BNIP3L: variants seen among roughly 807,000 people sequenced by gnomAD.
BNIP3L encodes the protein BCL2/adenovirus E1B 19 kDa protein-interacting protein 3-like.
In BNIP3L, 10 loss-of-function variants were observed where a neutral mutation model predicts 25.5. That is an observed-to-expected ratio of 0.39 (90% CI 0.24 to 0.67). BNIP3L has a LOEUF of 0.67. BNIP3L is among the 30% of genes least tolerant of loss of function. The probability of loss-of-function intolerance (pLI) is 0.45; values close to 1 mark genes in which losing one functional copy is unlikely to be tolerated. For missense variants in BNIP3L, 215 were observed against 270.9 expected, an observed-to-expected ratio of 0.79 and a Z score of 1.45; for synonymous variants, 113 against 101.2, an observed-to-expected ratio of 1.12 and a Z score of -0.70.
chr8:26,408,874 A>G (rs57917956), intron 5 of BNIP3L, among the ~76,000 whole-genome samples: 26,964 of 65,108 alleles, frequency 0.41, 2,848 homozygotes, highest in East Asian at 0.56. Flanking sequence ...TCCATCTCGG[A>G]AAAAAAAAAA....
At chr8:26,401,821 A>G (rs1806389900) in intron 3 of BNIP3L, among the ~76,000 whole-genome samples, 1 of 152,174 alleles carries the variant, frequency 6.6e-6, no homozygotes, top group Non-Finnish European at 1.5e-5. Context: ...AAATCTTACA[A>G]ATGTTTGTGT....
At chr8:26,395,158 A>C in intron 2 of BNIP3L, 72 bp from the exon 3 acceptor site, 2 of 1,500,932 alleles carry the variant, frequency 1.3e-6, no homozygotes, top group Non-Finnish European at 1.8e-6. Flanking sequence ...TTAATTTTCT[A>C]ATTTCTAGTA....
chr8:26,406,161 A>G (rs1473048867), intron 3 of BNIP3L, among the ~76,000 whole-genome samples: 1 of 152,218 alleles, frequency 6.6e-6, no homozygotes, highest in Non-Finnish European at 1.5e-5. Context: ...TTGGCCTGAA[A>G]CTTTAGGTTA....
chr8:26,408,437 G>A, intron 5 of BNIP3L, 61 bp downstream of exon 5: 3 of 1,525,962 alleles, frequency 2.0e-6, no homozygotes, highest in Non-Finnish European at 2.7e-6. Context: ...TTTTCAGATT[G>A]AAGAAATGTA....
intron 5 of BNIP3L, among the ~76,000 whole-genome samples, chr8:26,409,964 A>G (rs902208957): frequency 6.6e-6 from 1 of 152,010 alleles, no homozygotes. Flanking sequence ...TGTCCTACAT[A>G]GAGCACCAGA....
chr8:26,407,063 G>GCTCCACCTCCCAGGCTCAAGCAAC (rs1362652745), intron 3 of BNIP3L, among the ~76,000 whole-genome samples: 1 of 151,054 alleles, frequency 6.6e-6, no homozygotes, highest in Admixed American at 6.6e-5. Context: ...CTGGATCTCG[G>GCTCCACCTCCCAGGCTCAAGCAAC]CTCCACCTCC....
chr8:26,411,219 G>C lies in BNIP3L; in HGVS notation c.*807G>C, dbSNP rs374818509. The stretch of plus-strand genomic sequence containing the variant: ...TGAAATTGCTTTTTGAGATTTTTGC[G>C]TGTGTGTTTGATATTTTTTACGATA... On this transcript the variant is annotated 3_prime_UTR_variant, in exon 6 of 6. Transcript: ENST00000380629. 1 of 152,470 alleles carries C rather than the reference G, an allele frequency of 6.6e-6. No individual in the cohort carries two copies. Among genetic ancestry groups the C allele is most frequent in the Admixed American group, 6.5e-5 (1 of 15,272 alleles). The allele number at this position is 152,470 out of a possible 1,614,324, so 9.4% of individuals were successfully genotyped here.
At chr8:26,391,214 GT>G (rs1806102287) in intron 1 of BNIP3L, 28 bp from the exon 2 acceptor site, 9 of 1,549,704 alleles carry the variant, frequency 5.8e-6, no homozygotes, top group Non-Finnish European at 7.9e-6. Context: ...CAGTTCTGCT[GT>G]GGTTAACTTA....
chr8:26,395,397 A>G, intron 3 of BNIP3L, 95 bp downstream of exon 3: 7 of 1,298,160 alleles, frequency 5.4e-6, no homozygotes, highest in Non-Finnish European at 7.6e-6. Flanking sequence ...GACTTTTAGG[A>G]ATAGTTTGAA....
In BNIP3L at chr8:26,391,382, T is replaced by C. The variant is rs758158833; in HGVS notation, c.240T>C (p.His80=). Residue 80 remains histidine, a synonymous_variant, in exon 2 of 6, where the codon CAT becomes CAC. Coordinates refer to ENST00000380629, the MANE Select transcript of BNIP3L (RefSeq NM_004331.3). ...AGAAGATTCTTTTGGATGCACAACATGAATCAGGACAGAGTAGTTCCAGAG... is the reference window on the plus strand; with the variant it reads ...AGAAGATTCTTTTGGATGCACAACACGAATCAGGACAGAGTAGTTCCAGAG... ...DMEKILLDAQ[H]ESGQSSSRGS... is the part of the protein sequence containing the mutation. 1.9e-5 allele frequency: 31 copies of C among 1,608,406 alleles called. No individual in the cohort carries two copies. The highest frequency in any genetic ancestry group is 1.2e-4 in the Admixed American group (7 of 59,056).
intron 3 of BNIP3L, among the ~76,000 whole-genome samples, chr8:26,400,174 G>T (rs1280185856): frequency 6.6e-6 from 1 of 151,600 alleles, no homozygotes; most frequent in Non-Finnish European, 1.5e-5. Context: ...ATACCACAAG[G>T]CTACAGTAAC....
chr8:26,405,816 G>A (rs1160430680), intron 3 of BNIP3L, among the ~76,000 whole-genome samples: 2 of 152,200 alleles, frequency 1.3e-5, no homozygotes, highest in African/African-American at 4.8e-5. Context: ...GCTGAGGCGT[G>A]TAGATCACTT....
Position 26,391,346 on chromosome 8 carries a change from T to A in BNIP3L, c.204T>A (p.Asn68Lys), listed in dbSNP as rs754203942. Residue 68 changes from asparagine (N) to lysine (K), a missense_variant, in exon 2 of 6, where the codon AAT (asparagine) becomes AAA (lysine). Physicochemically the swap from Asn to Lys is moderately conservative, Grantham distance 94. Around this residue, in one of 4 missense-constraint regions of BNIP3L, gnomAD observed 36 missense variants for 75.2 expected, o/e 0.48. Coordinates refer to ENST00000380629, the MANE Select transcript of BNIP3L (RefSeq NM_004331.3). ...TACCATCCTCATCCTCCATCCACAATGGAGACATGGAGAAGATTCTTTTGG... is the reference window on the plus strand; with the variant it reads ...TACCATCCTCATCCTCCATCCACAAAGGAGACATGGAGAAGATTCTTTTGG... Reference protein sequence around the residue: ...EHVPSSSSIHNGDMEKILLDA... With the variant: ...EHVPSSSSIHKGDMEKILLDA... 4 of 1,611,106 alleles carry A rather than the reference T, an allele frequency of 2.5e-6. No homozygotes were observed. The highest frequency in any genetic ancestry group is 3.4e-6 in the Non-Finnish European group (4 of 1,178,816).
At chr8:26,386,026 C>T (rs1050264353) in intron 1 of BNIP3L, among the ~76,000 whole-genome samples, 29 of 152,130 alleles carry the variant, frequency 1.9e-4, no homozygotes, top group African/African-American at 4.8e-4. Context: ...AGTCGAAGGA[C>T]TTTGTTGGGT....
chr8:26,389,765 G>A (rs1390145868), intron 1 of BNIP3L, among the ~76,000 whole-genome samples: 1 of 152,234 alleles, frequency 6.6e-6, no homozygotes, highest in Non-Finnish European at 1.5e-5. Flanking sequence ...TAGACAGGAA[G>A]TGATGGGGTC....
chr8:26,383,482 G>T lies in BNIP3L; in HGVS notation c.100+252G>T, dbSNP rs1303826195. The T allele has an allele frequency of 2.4e-6, 3 of 1,267,828 alleles. 1 individual carries two copies. In the African/African-American group the frequency reaches 4.8e-5, roughly 20 times the overall value. The allele number at this position is 1,267,828 out of a possible 1,614,324, so 78.5% of individuals were successfully genotyped here. A position where few individuals can be genotyped will look rare whatever the true frequency, so the allele number is the denominator to read the frequency against. ...TCGCGGTCCGGGAGCGGCGCGGGTA[G>T]CGCGGATCCCCCTGGTGCGGGGGGT... On this transcript the variant is annotated intron_variant, in intron 1 of 5. Coordinates refer to ENST00000380629, the MANE Select transcript of BNIP3L (RefSeq NM_004331.3).
At position 26,412,976 on chromosome 8, in the gene BNIP3L, C is replaced by T. The variant is rs1337688519; in HGVS notation, c.*2564C>T. ...AGTCAGATAAGTTTTTTCATGAACC[C>T]GTTGTGGAAATTATTGGAATTAACT... On this transcript the variant is annotated 3_prime_UTR_variant, in exon 6 of 6. Coordinates refer to ENST00000380629, the MANE Select transcript of BNIP3L (RefSeq NM_004331.3). The T allele has an allele frequency of 5.9e-5, 9 of 152,542 alleles. No homozygotes were observed. Among genetic ancestry groups the T allele is most frequent in the South Asian group, 2.1e-4 (1 of 4,826 alleles). The allele number at this position is 152,542 out of a possible 1,614,324, so 9.4% of individuals were successfully genotyped here.
At chr8:26,390,306 C>T (rs1283046544) in intron 1 of BNIP3L, 1 of 960,042 alleles carries the variant, frequency 1.0e-6, no homozygotes, top group East Asian at 1.1e-4. Context: ...ACTCATCAGA[C>T]CAATAAATAT....
At chr8:26,409,587 G>A (rs1037609289) in intron 5 of BNIP3L, among the ~76,000 whole-genome samples, 6 of 152,134 alleles carry the variant, frequency 3.9e-5, no homozygotes, top group African/African-American at 1.4e-4. Context: ...GTTGCGTGGG[G>A]GTTGATGTGG....
Sources: gnomAD v4.1 joint callset for allele counts (sites outside exome capture counted in the v4.1 genomes callset) on GRCh38, gnomAD v4.1.1 for gene constraint, gnomAD v4.1.1 regional missense constraint, MANE v1.5 for transcripts, NCBI Gene and HGNC (gene_info 2026-07-23, HGNC 2026-07-21) for gene names.